The following TWIST2 variants were observed in gnomAD, a reference collection of about 807,000 sequenced individuals.
The protein encoded by TWIST2 is twist family bHLH transcription factor 2.
A neutral mutation model predicts 11.6 loss-of-function variants in TWIST2; 1 was observed. The observed-to-expected ratio is 0.09, with a 90% CI of 0.03 to 0.41. TWIST2 has a LOEUF of 0.41. Ranked by LOEUF, TWIST2 falls within the 10% of genes least tolerant of loss-of-function variation. The pLI, the probability that TWIST2 is intolerant of heterozygous loss-of-function variation, is 0.98. For missense variants in TWIST2, 168 were observed against 226.4 expected, an observed-to-expected ratio of 0.74 and a Z score of 1.66; for synonymous variants, 87 against 96.6, an observed-to-expected ratio of 0.90 and a Z score of 0.58.
intron 1 of TWIST2, among the ~76,000 whole-genome samples, chr2:238,901,760 G>A (rs1412480970): frequency 6.6e-6 from 1 of 152,184 alleles, no homozygotes; most frequent in Admixed American, 6.5e-5. Context: ...GGAGAAGAGA[G>A]GAGTGGCTTT....
In TWIST2 at chr2:238,866,064, T is replaced by G. The variant is rs1162856599; in HGVS notation, c.*35+17331T>G. Among the ~76,000 whole-genome samples the G allele has an allele frequency of 2.0e-5, 3 of 152,210 alleles. No individual in the cohort carries two copies. Among genetic ancestry groups the G allele is most frequent in the Non-Finnish European group, 2.9e-5 (2 of 68,034 alleles). On this transcript the variant is annotated intron_variant, in intron 1 of 1. Transcript: ENST00000612363. The surrounding 1 kb of genome is among the most constrained non-coding windows in gnomAD (Gnocchi z 4.9). ...CGCTTAACCTGTTAATGGAATAGCA[T>G]GGACGATGCACCCCACACTGCATCT...
chr2:238,907,870 A>G, intron 1 of TWIST2, among the ~76,000 whole-genome samples: 1 of 139,954 alleles, frequency 7.1e-6, no homozygotes, highest in African/African-American at 2.7e-5. Flanking sequence ...CACACCACAT[A>G]CACACACACC....
chr2:238,883,441 G>A (rs1418093367), intron 1 of TWIST2, among the ~76,000 whole-genome samples: 2 of 152,178 alleles, frequency 1.3e-5, no homozygotes, highest in Admixed American at 1.3e-4. Context: ...GAGCTGGCTC[G>A]CTTGACATTA....
intron 1 of TWIST2, among the ~76,000 whole-genome samples, chr2:238,905,930 TGCGCGTGTGTGTGC>T (rs1285786253): frequency 2.1e-5 from 3 of 140,298 alleles, no homozygotes; most frequent in Non-Finnish European, 3.1e-5. Context: ...GGTGTGCGTG[TGCGCGTGTGTGTGC>T]GCGCGCGTGT....
At chr2:238,873,711 C>A (rs1259507200) in intron 1 of TWIST2, among the ~76,000 whole-genome samples, 4 of 152,166 alleles carry the variant, frequency 2.6e-5, no homozygotes, top group African/African-American at 9.7e-5. Context: ...GGCTGAGAGT[C>A]AGAAGCAAAT....
chr2:238,859,031 G>A (rs1215457575), intron 1 of TWIST2, among the ~76,000 whole-genome samples: 1 of 152,068 alleles, frequency 6.6e-6, no homozygotes, highest in Non-Finnish European at 1.5e-5. Context: ...GGCCAACATG[G>A]TGAAACCTCA....
chr2:238,851,394 C>T (rs1045436263), intron 1 of TWIST2, among the ~76,000 whole-genome samples: 4 of 152,124 alleles, frequency 2.6e-5, no homozygotes, highest in East Asian at 1.9e-4. Context: ...TTTTAGTATT[C>T]TCATTAAATG....
At chr2:238,879,568 C>T (rs1375602737) in intron 1 of TWIST2, among the ~76,000 whole-genome samples, 1 of 152,180 alleles carries the variant, frequency 6.6e-6, no homozygotes, top group East Asian at 1.9e-4. Context: ...ACTACCCATC[C>T]CCTATTCTGA....
At chr2:238,862,540 A>G (rs1692453524) in intron 1 of TWIST2, among the ~76,000 whole-genome samples, 1 of 152,252 alleles carries the variant, frequency 6.6e-6, no homozygotes, top group African/African-American at 2.4e-5. Context: ...GAAAAAATAC[A>G]TAATTATAAA....
In TWIST2 at chr2:238,866,454, C is replaced by G. The variant is rs948745943; in HGVS notation, c.*35+17721C>G. On this transcript the variant is annotated intron_variant, in intron 1 of 1. Transcript: ENST00000612363. The surrounding 1 kb of genome is among the most constrained non-coding windows in gnomAD (Gnocchi z 4.9). ...CAGGCAGATCACGAGGTCAGGAATTCGAGACCAGCCTGGCCAACATGGTGA... is the reference window on the plus strand; with the variant it reads ...CAGGCAGATCACGAGGTCAGGAATTGGAGACCAGCCTGGCCAACATGGTGA... 6.6e-6 allele frequency among the ~76,000 whole-genome samples: 1 copy of G among 152,136 alleles called. No individual in the cohort carries two copies. The highest frequency in any genetic ancestry group is 2.4e-5 in the African/African-American group (1 of 41,426).
chr2:238,900,070 G>T (rs1693250560), intron 1 of TWIST2, among the ~76,000 whole-genome samples: 1 of 152,196 alleles, frequency 6.6e-6, no homozygotes, highest in Non-Finnish European at 1.5e-5. Flanking sequence ...TTCATAGAAA[G>T]TTCTGTTTAA....
intron 1 of TWIST2, among the ~76,000 whole-genome samples, chr2:238,854,405 A>G (rs1031050183): frequency 2.0e-5 from 3 of 152,064 alleles, no homozygotes; most frequent in Non-Finnish European, 2.9e-5. Flanking sequence ...ATTTGGGCAA[A>G]CCCCTTGATT....
chr2:238,907,741 CACACA>C (rs1212318403), intron 1 of TWIST2, among the ~76,000 whole-genome samples: 2 of 130,282 alleles, frequency 1.5e-5, no homozygotes, highest in Non-Finnish European at 3.4e-5. Flanking sequence ...CACATAAACG[CACACA>C]ACACACACAC....
At chr2:238,901,381 T>G (rs1693267409) in intron 1 of TWIST2, among the ~76,000 whole-genome samples, 1 of 152,238 alleles carries the variant, frequency 6.6e-6, no homozygotes, top group African/African-American at 2.4e-5. Flanking sequence ...TCTATTTGTT[T>G]TGTTGTTTCC....
intron 1 of TWIST2, among the ~76,000 whole-genome samples, chr2:238,874,279 C>T (rs1354058897): frequency 1.3e-5 from 2 of 152,206 alleles, no homozygotes; most frequent in Non-Finnish European, 2.9e-5. Context: ...TCATCCTTTA[C>T]GGAATCCAGG....
At chr2:238,881,953 TCTTC>T (rs1220422708) in intron 1 of TWIST2, among the ~76,000 whole-genome samples, 2 of 152,120 alleles carry the variant, frequency 1.3e-5, no homozygotes, top group African/African-American at 4.8e-5. Context: ...CTGGTTTTTC[TCTTC>T]CTGTCTCTCT....
intron 1 of TWIST2, among the ~76,000 whole-genome samples, chr2:238,857,787 A>G (rs1421196184): frequency 2.0e-5 from 3 of 152,068 alleles, no homozygotes; most frequent in Non-Finnish European, 4.4e-5. Context: ...AAATACAAAA[A>G]TTAGCCACGT....
At chr2:238,899,362 C>T (rs1238999057) in intron 1 of TWIST2, among the ~76,000 whole-genome samples, 6 of 152,366 alleles carry the variant, frequency 3.9e-5, no homozygotes, top group African/African-American at 1.4e-4. Context: ...ATGTGTGTTG[C>T]CCATAGACCA....
chr2:238,848,391 A>C lies in TWIST2; in HGVS notation c.176A>C (p.Gln59Pro), dbSNP rs1174346065. Residue 59 changes from glutamine to proline, a missense_variant, in exon 1 of 2, where the codon CAG becomes CCG. Physicochemically the swap from Gln to Pro is moderately conservative, Grantham distance 76. Coordinates refer to ENST00000612363, the MANE Select transcript of TWIST2 (RefSeq NM_001271893.4). ...KRGKKGSPSA[Q>P]SFEELQSQRI... is the part of the protein sequence containing the mutation. ...GGCAAGAAGGGCAGCCCCAGCGCGC[A>C]GTCCTTCGAGGAGCTGCAGAGCCAG... is the stretch of plus-strand genomic sequence containing the variant. The C allele has an allele frequency of 1.3e-6, 2 of 1,535,648 alleles. No homozygotes were observed. The highest frequency in any genetic ancestry group is 1.7e-6 in the Non-Finnish European group (2 of 1,146,186).
Sources: gnomAD v4.1 joint callset for allele counts (sites outside exome capture counted in the v4.1 genomes callset) on GRCh38, gnomAD v4.1.1 for gene constraint, Gnocchi (gnomAD v3.1) non-coding constraint, MANE v1.5 for transcripts, NCBI Gene and HGNC (gene_info 2026-07-23, HGNC 2026-07-21) for gene names.